Variants in FGF12 observed in about 807,000 individuals in gnomAD.
The protein encoded by FGF12 is fibroblast growth factor 12B.
In FGF12, 14 loss-of-function variants were observed where a neutral mutation model predicts 23.6. The ratio of observed to expected loss-of-function variants is 0.59; its 90% CI spans 0.39 to 0.93. The LOEUF (loss-of-function observed/expected upper bound fraction) is 0.93, where lower values mean the gene tolerates loss of function less well. Among genes scored for constraint, FGF12 ranks in the 40% least tolerant of loss-of-function variants. The pLI is 0.00. For synonymous variants in FGF12, 62 were observed against 77.3 expected, an observed-to-expected ratio of 0.80 and a Z score of 1.04; for missense variants, 175 against 217.8, an observed-to-expected ratio of 0.80 and a Z score of 1.24.
chr3:192,589,414 A>G (rs1713532311), intron 2 of FGF12, among the ~76,000 whole-genome samples: 1 of 151,908 alleles, frequency 6.6e-6, no homozygotes, highest in African/African-American at 2.4e-5. Context: ...TTATACGAGC[A>G]GGTTGTGCTA....
At chr3:192,202,414 T>A (rs958010287) in intron 4 of FGF12, among the ~76,000 whole-genome samples, 6 of 152,252 alleles carry the variant, frequency 3.9e-5, no homozygotes, top group Admixed American at 3.9e-4. Flanking sequence ...GATTTTTGTC[T>A]CCATTTGTGT....
intron 2 of FGF12, among the ~76,000 whole-genome samples, chr3:192,526,103 T>A (rs1724939495): frequency 6.6e-6 from 1 of 152,136 alleles, no homozygotes; most frequent in South Asian, 2.1e-4. Context: ...TGTCTACATG[T>A]TTTTGCACAT....
intron 4 of FGF12, among the ~76,000 whole-genome samples, chr3:192,249,316 A>G (rs1711846225): frequency 6.6e-6 from 1 of 152,236 alleles, no homozygotes; most frequent in South Asian, 2.1e-4. Flanking sequence ...TTACATATAC[A>G]ATACTGCATG....
At position 192,605,144 on chromosome 3, in the gene FGF12, C is replaced by A. The variant is rs1207541557; in HGVS notation, c.13+122037G>T. Among the ~76,000 whole-genome samples the A allele has an allele frequency of 2.0e-5, 3 of 151,942 alleles. No individual in the cohort carries two copies. The South Asian group carries it at 6.2e-4, about 32-fold the overall frequency. ...CTTTAATTCCAGCACTTTGGGAGGT[C>A]GAGATAGGCGGATCATCAGGTCAGG... On this transcript the variant is annotated intron_variant, in intron 2 of 5. Coordinates refer to ENST00000445105, the MANE Select transcript of FGF12 (RefSeq NM_004113.6).
chr3:192,167,355 G>A (rs1715224463), intron 5 of FGF12, among the ~76,000 whole-genome samples: 1 of 151,908 alleles, frequency 6.6e-6, no homozygotes, highest in Non-Finnish European at 1.5e-5. Context: ...ATAAGATGCT[G>A]GTTGGATCAT....
intron 2 of FGF12, among the ~76,000 whole-genome samples, chr3:192,559,831 G>A (rs1025969925): frequency 2.3e-5 from 1 of 42,876 alleles, no homozygotes; most frequent in Non-Finnish European, 4.3e-5. Flanking sequence ...AAAAACTAAA[G>A]TTCGTTAATG....
chr3:192,487,146 A>T (rs1723659203), intron 2 of FGF12, among the ~76,000 whole-genome samples: 1 of 152,046 alleles, frequency 6.6e-6, no homozygotes, highest in Non-Finnish European at 1.5e-5. Context: ...CATTTCTTCC[A>T]AATCCCCTAC....
chr3:192,681,029 T>C (rs1360570630), intron 2 of FGF12, among the ~76,000 whole-genome samples: 1 of 152,246 alleles, frequency 6.6e-6, no homozygotes, highest in Non-Finnish European at 1.5e-5. Flanking sequence ...TGTTCAATAA[T>C]ATAGGCAGCT....
chr3:192,315,935 C>A (rs1716205325), intron 4 of FGF12, among the ~76,000 whole-genome samples: 1 of 152,168 alleles, frequency 6.6e-6, no homozygotes, highest in Admixed American at 6.5e-5. Context: ...TTTAGCAGTT[C>A]ATAAAAATGT....
At chr3:192,636,948 A>G (rs1431045744) in intron 2 of FGF12, among the ~76,000 whole-genome samples, 1 of 152,182 alleles carries the variant, frequency 6.6e-6, no homozygotes, top group Non-Finnish European at 1.5e-5. Context: ...AGGTGGGAGA[A>G]GGGAGGTGAT....
intron 2 of FGF12, among the ~76,000 whole-genome samples, chr3:192,609,064 A>C (rs1195123448): frequency 6.6e-6 from 1 of 152,118 alleles, no homozygotes; most frequent in African/African-American, 2.4e-5. Flanking sequence ...TAAAGCTGTG[A>C]TCATTCTCTT....
chr3:192,451,192 C>T (rs1365617858), intron 2 of FGF12, among the ~76,000 whole-genome samples: 2 of 152,114 alleles, frequency 1.3e-5, no homozygotes, highest in Admixed American at 1.3e-4. Context: ...ATTGACAGTG[C>T]CCAATGATAG....
At chr3:192,250,199 A>G (rs1394018215) in intron 4 of FGF12, among the ~76,000 whole-genome samples, 2 of 152,134 alleles carry the variant, frequency 1.3e-5, no homozygotes, top group Non-Finnish European at 2.9e-5. Flanking sequence ...TTGCCTTTCT[A>G]TTTCTGTTTA....
intron 2 of FGF12, among the ~76,000 whole-genome samples, chr3:192,440,685 G>C (rs1191186958): frequency 6.6e-6 from 1 of 152,120 alleles, no homozygotes; most frequent in African/African-American, 2.4e-5. Context: ...TCACACATCT[G>C]CCACATTTGA....
intron 2 of FGF12, among the ~76,000 whole-genome samples, chr3:192,668,971 C>A (rs1717001885): frequency 6.6e-6 from 1 of 151,868 alleles, no homozygotes; most frequent in South Asian, 2.1e-4. Flanking sequence ...TTAGAATAAG[C>A]AAATAAGAAA....
chr3:192,391,098 G>A (rs1367170642), intron 2 of FGF12, among the ~76,000 whole-genome samples: 2 of 152,144 alleles, frequency 1.3e-5, no homozygotes, highest in African/African-American at 2.4e-5. Context: ...AACCATAGCC[G>A]AGCAAAGAGA....
At chr3:192,279,701 C>T (rs779071440) in intron 4 of FGF12, among the ~76,000 whole-genome samples, 41 of 152,060 alleles carry the variant, frequency 2.7e-4, no homozygotes, top group Non-Finnish European at 5.1e-4. Context: ...GTATCATAAA[C>T]AATAAAACAA....
chr3:192,490,210 T>C (rs1191086702), intron 2 of FGF12, among the ~76,000 whole-genome samples: 1 of 151,980 alleles, frequency 6.6e-6, no homozygotes, highest in Non-Finnish European at 1.5e-5. Context: ...CCACTTTAGC[T>C]CTCAAATAGC....
At position 192,403,018 on chromosome 3, in the gene FGF12, A is replaced by G. The variant is rs1197936891; in HGVS notation, c.14-42480T>C. Among the ~76,000 whole-genome samples, 8 of 152,324 alleles carry G rather than the reference A, an allele frequency of 5.3e-5. No homozygotes were observed. In the East Asian group the frequency reaches 1.2e-3, roughly 22 times the overall value. Reference sequence around the variant, plus strand: ...TCATCATACAATCTATAATAATTCTATACATCAAAAGCAAATATACATGAT... The same window carrying G: ...TCATCATACAATCTATAATAATTCTGTACATCAAAAGCAAATATACATGAT... On this transcript the variant is annotated intron_variant, in intron 2 of 5. Coordinates refer to ENST00000445105, the MANE Select transcript of FGF12 (RefSeq NM_004113.6).
Sources: gnomAD v4.1 joint callset for allele counts (sites outside exome capture counted in the v4.1 genomes callset) on GRCh38, gnomAD v4.1.1 for gene constraint, MANE v1.5 for transcripts, NCBI Gene and HGNC (gene_info 2026-07-23, HGNC 2026-07-21) for gene names.